Variants in PCNX3 observed in about 807,000 individuals in gnomAD.
PCNX3 encodes the protein pecanex 3, also known as pecanex-like protein 3.
PCNX3 carries 58 observed loss-of-function variants against 207.2 expected under a neutral mutation model. The ratio of observed to expected loss-of-function variants is 0.28; its 90% CI spans 0.23 to 0.35. The LOEUF is 0.35. Among genes scored for constraint, PCNX3 ranks in the 10% least tolerant of loss-of-function variants. PCNX3 has a pLI of 1.00. For synonymous variants in PCNX3, 1,337 were observed against 1,183.5 expected (o/e 1.13, Z -2.66); for missense variants, 2,410 against 2,774.4 (o/e 0.87, Z 2.95).
In PCNX3 at chr11:65,616,849, C is replaced by T. The variant is rs1854760382; in HGVS notation, c.179C>T (p.Ala60Val). 2 of 1,612,832 alleles carry T rather than the reference C, an allele frequency of 1.2e-6. No homozygotes were observed. The highest frequency in any genetic ancestry group is 1.3e-5 in the African/African-American group (1 of 74,908). ...YMVLPPSLMV[A>V]GVYCLVVAVI... is the part of the protein sequence containing the mutation. ...GTCCTGCCTCCCAGCTTGATGGTGG[C>T]CGGCGTGTACTGCCTCGTGGTGGCT... Residue 60 changes from alanine (A) to valine (V), a missense_variant, in exon 2 of 35, where the codon GCC (alanine) becomes GTC (valine). This residue lies in a region of PCNX3 where 1,104 missense variants were observed against 970.3 expected (regional missense o/e 1.14). Transcript: ENST00000355703.
At chr11:65,629,802 T>C (rs1194937049) in intron 26 of PCNX3, 67 bp downstream of exon 26, 1 of 1,499,064 alleles carries the variant, frequency 6.7e-7, no homozygotes, top group Non-Finnish European at 9.0e-7. Context: ...CTGTGTTCAA[T>C]AGCACGTGCG....
At chr11:65,623,894 G>A (rs1186427978) in intron 12 of PCNX3, 35 bp from the exon 13 acceptor site, 32 of 1,612,240 alleles carry the variant, frequency 2.0e-5, no homozygotes, top group Non-Finnish European at 2.5e-5. Context: ...CGTGGGCATC[G>A]GCTCTAGTTG....
chr11:65,630,584 C>T lies in PCNX3; in HGVS notation c.4450C>T (p.Leu1484Phe). 2 of 1,611,532 alleles carry T rather than the reference C, an allele frequency of 1.2e-6. No individual in the cohort carries two copies. Among genetic ancestry groups the T allele is most frequent in the Non-Finnish European group, 1.7e-6 (2 of 1,178,256 alleles). ...GCAGGTTTTCGACCTCCGCAAGATC[C>T]TCATCACCTACTATGTCAAGGTACG... Reference protein sequence around the residue: ...MLQVFDLRKILITYYVKSIIY... With the variant: ...MLQVFDLRKIFITYYVKSIIY... Residue 1484 changes from leucine to phenylalanine, a missense_variant, in exon 27 of 35, where the codon CTC becomes TTC. Physicochemically the swap from Leu to Phe is conservative, Grantham distance 22. Around this residue, in one of 8 missense-constraint regions of PCNX3, gnomAD observed 420 missense variants for 705.3 expected, o/e 0.60. Transcript: ENST00000355703.
chr11:65,627,704 C>T (rs1855460042), intron 22 of PCNX3, 122 bp downstream of exon 22: 2 of 1,224,098 alleles, frequency 1.6e-6, no homozygotes, highest in East Asian at 4.7e-5. Flanking sequence ...GCCCCGTGGG[C>T]CTTTGCAGCA....
At chr11:65,636,071 A>C in intron 32 of PCNX3, 103 bp from the exon 33 acceptor site, 2 of 1,483,878 alleles carry the variant, frequency 1.3e-6, no homozygotes, top group Non-Finnish European at 1.8e-6. Flanking sequence ...CCTGGGGCTC[A>C]GAGGTGTTAG....
At position 65,635,804 on chromosome 11, in the gene PCNX3, G is replaced by C; in HGVS notation, c.5459+1G>C. On this transcript the variant is annotated splice_donor_variant, in intron 32 of 34. Transcript: ENST00000355703. LOFTEE classifies it high-confidence loss of function. The surrounding 1 kb of genome is among the most constrained non-coding windows in gnomAD (Gnocchi z 9.9). ...ACTGGCTCCTGCGCACCTGGGAGAGGTGAGGCCTCGGGAAGGGGTGACGTG... is the reference window on the plus strand; with the variant it reads ...ACTGGCTCCTGCGCACCTGGGAGAGCTGAGGCCTCGGGAAGGGGTGACGTG... 1 of 1,601,512 alleles carries C rather than the reference G, an allele frequency of 6.2e-7. No homozygotes were observed. The highest frequency in any genetic ancestry group is 8.5e-7 in the Non-Finnish European group (1 of 1,174,096).
At position 65,630,551 on chromosome 11, in the gene PCNX3, T is replaced by A; in HGVS notation, c.4417T>A (p.Ser1473Thr). 6.2e-7 allele frequency: 1 copy of A among 1,613,416 alleles called. No individual in the cohort carries two copies. The highest frequency in any genetic ancestry group is 8.5e-7 in the Non-Finnish European group (1 of 1,179,720). The change falls in exon 27 of 35, where the codon TCC (serine) becomes ACC (threonine). Residue 1473 changes from serine (S) to threonine (T), a missense_variant. Coordinates refer to ENST00000355703, the MANE Select transcript of PCNX3 (RefSeq NM_032223.4). Reference protein sequence around the residue: ...GYSISDNNAASMLQVFDLRKI... With the variant: ...GYSISDNNAATMLQVFDLRKI... ...TAGCATTAGTGACAATAATGCTGCC[T>A]CCATGCTGCAGGTTTTCGACCTCCG...
At chr11:65,620,044 T>C (rs1855001977) in intron 8 of PCNX3, 112 bp downstream of exon 8, 14 of 1,166,162 alleles carry the variant, frequency 1.2e-5, no homozygotes, top group Non-Finnish European at 1.5e-5. Context: ...CTGCTAATGC[T>C]GCCAGACATC....
rs1355185100 is a variant in PCNX3, at chr11:65,627,451, T to G, written c.3571T>G (p.Ser1191Ala). The change falls in exon 22 of 35, where the codon TCA becomes GCA. Residue 1191 changes from serine to alanine, a missense_variant. By Grantham distance (99) the Ser-to-Ala change is moderately conservative (BLOSUM62 1). This residue lies in a region of PCNX3 where 333 missense variants were observed against 386.8 expected (regional missense o/e 0.86). Coordinates refer to ENST00000355703, the MANE Select transcript of PCNX3 (RefSeq NM_032223.4). ...CGTGGCTGGGCTGAAGCTGCTGCGC[T>G]CAGCCTTCTGCTGCCCCCCACAGCA... Reference protein sequence around the residue: ...MTVAGLKLLRSAFCCPPQQYL... With the variant: ...MTVAGLKLLRAAFCCPPQQYL... 2.5e-6 allele frequency: 4 copies of G among 1,613,036 alleles called. No homozygotes were observed. The highest frequency in any genetic ancestry group is 1.3e-5 in the African/African-American group (1 of 74,920).
rs1855849117 is a variant in PCNX3 at position 65,636,521 on chromosome 11, A to C, written c.5724A>C (p.Ala1908=). 1 of 1,585,506 alleles carries C rather than the reference A, an allele frequency of 6.3e-7. No individual in the cohort carries two copies. Among genetic ancestry groups the C allele is most frequent in the East Asian group, 2.2e-5 (1 of 44,542 alleles). Residue 1908 remains alanine (A), a synonymous_variant, in exon 34 of 35, where the codon GCA becomes GCC. Transcript: ENST00000355703. ...PPPRLPGPPP[A]SPIPTEGPRT... is the part of the protein sequence containing the mutation. Reference sequence around the variant, plus strand: ...CTCGGCTCCCTGGACCACCCCCTGCATCGCCTATCCCCACAGAGGGTCCCC... The same window carrying C: ...CTCGGCTCCCTGGACCACCCCCTGCCTCGCCTATCCCCACAGAGGGTCCCC...
At chr11:65,622,433 G>T in intron 11 of PCNX3, 67 bp downstream of exon 11, 6 of 1,500,630 alleles carry the variant, frequency 4.0e-6, no homozygotes, top group Non-Finnish European at 5.4e-6. Flanking sequence ...CCCAGACTCT[G>T]TACCTGTGGA....
At position 65,616,385 on chromosome 11, in the gene PCNX3, C is replaced by G; in HGVS notation, c.74C>G (p.Pro25Arg). The part of the protein sequence containing the change: ...ASLTGGWFFD[P>R]HQSTFSNCFH... Reference sequence around the variant, plus strand: ...CTCACCGGCGGTTGGTTCTTCGACCCGCACCAGAGCACCTTCTCCAACTGC... The same window carrying G: ...CTCACCGGCGGTTGGTTCTTCGACCGGCACCAGAGCACCTTCTCCAACTGC... Residue 25 changes from proline to arginine, a missense_variant, in exon 1 of 35, where the codon CCG becomes CGG. By Grantham distance (103) the Pro-to-Arg change is moderately radical. Transcript: ENST00000355703. 1 of 1,609,956 alleles carries G rather than the reference C, an allele frequency of 6.2e-7. No individual in the cohort carries two copies. Among genetic ancestry groups the G allele is most frequent in the Non-Finnish European group, 8.5e-7 (1 of 1,179,008 alleles).
Position 65,625,184 on chromosome 11 carries a change from A to C in PCNX3, c.2933A>C (p.Glu978Ala). Residue 978 changes from glutamate (E) to alanine (A), a missense_variant, in exon 17 of 35, where the codon GAG becomes GCG. By Grantham distance (107) the Glu-to-Ala change is moderately radical. This residue lies in a region of PCNX3 where 333 missense variants were observed against 386.8 expected (regional missense o/e 0.86). Coordinates refer to ENST00000355703, the MANE Select transcript of PCNX3 (RefSeq NM_032223.4). The surrounding 1 kb of genome is among the most constrained non-coding windows in gnomAD (Gnocchi z 5.6). ...TTCTCTCCGCAGACTCCGTGGCCAG[A>C]GCAGCACGTCCCTGTCCTCTTCTCA... Reference protein sequence around the residue: ...CLGAIKTPWPEQHVPVLFSVF... With the variant: ...CLGAIKTPWPAQHVPVLFSVF... 6.2e-7 allele frequency: 1 copy of C among 1,608,308 alleles called. No homozygotes were observed. The highest frequency in any genetic ancestry group is 1.1e-5 in the South Asian group (1 of 90,960).
rs369630534 is a variant in PCNX3 at position 65,617,693 on chromosome 11, G to A, written c.564G>A (p.Ser188=). The A allele has an allele frequency of 7.7e-5, 121 of 1,568,266 alleles. No homozygotes were observed. The East Asian group carries it at 9.5e-4, about 12-fold the overall frequency. The part of the protein sequence containing the change: ...SADREMLKLS[S]QEKLIGDLPQ... ...ACCGAGAGATGCTGAAGCTCAGCTC[G>A]CAGGAGAAACTGAGTGCGTGGGCCT... is the stretch of plus-strand genomic sequence containing the variant. The change falls in exon 5 of 35, where the codon TCG becomes TCA. Residue 188 remains serine, a synonymous_variant. Coordinates refer to ENST00000355703, the MANE Select transcript of PCNX3 (RefSeq NM_032223.4).
Position 65,625,318 on chromosome 11 carries a change from G to C in PCNX3, c.3029+38G>C, listed in dbSNP as rs188132699. The C allele has an allele frequency of 1.2e-3, 1,870 of 1,594,358 alleles. 8 individuals are homozygous for C. Among genetic ancestry groups the C allele is most frequent in the Non-Finnish European group, 1.4e-3 (1,634 of 1,169,954 alleles). On this transcript the variant is annotated intron_variant, in intron 17 of 34. Coordinates refer to ENST00000355703, the MANE Select transcript of PCNX3 (RefSeq NM_032223.4). This position sits in a 1 kb window ranked among gnomAD's most constrained non-coding sequence, Gnocchi z 5.6. ...CGGGTCGTGTGTTTGTGTCTGCCCA[G>C]TAGGGGTTTGTGGTCTGTGCATGTG... is the stretch of plus-strand genomic sequence containing the variant.
In PCNX3 at chr11:65,620,981, G is replaced by T. The variant is rs1181110027; in HGVS notation, c.2235+15G>T. On this transcript the variant is annotated intron_variant, in intron 10 of 34. Transcript: ENST00000355703. ...AGATCCCGGAGGTGAGGAGCAGCCG[G>T]GGAAGGGCCGTGCCAGTGGGGCGTG... The T allele has an allele frequency of 2.0e-6, 3 of 1,523,894 alleles. No individual in the cohort carries two copies. Among genetic ancestry groups the T allele is most frequent in the Admixed American group, 4.0e-5 (2 of 50,122 alleles). The allele number at this position is 1,523,894 out of a possible 1,614,324, so 94.4% of individuals were successfully genotyped here.
intron 21 of PCNX3, 90 bp downstream of exon 21, chr11:65,627,138 G>A: frequency 7.0e-7 from 1 of 1,427,600 alleles, no homozygotes; most frequent in Non-Finnish European, 9.3e-7. Flanking sequence ...AATGAATCAT[G>A]TCTAAGGTTG....
chr11:65,620,485 G>A, intron 9 of PCNX3, 56 bp downstream of exon 9: 1 of 1,570,818 alleles, frequency 6.4e-7, no homozygotes, highest in Non-Finnish European at 8.7e-7. Context: ...GCATCTCTGG[G>A]AAGTTCCCTG....
At position 65,620,409 on chromosome 11, in the gene PCNX3, G is replaced by A. The variant is rs1176490361; in HGVS notation, c.2079G>A (p.Glu693=). The A allele has an allele frequency of 6.2e-7, 1 of 1,613,278 alleles. No homozygotes were observed. The highest frequency in any genetic ancestry group is 1.7e-5 in the Admixed American group (1 of 60,006). ...GYENPVGQQG[E]QTANGAWDRH... is the part of the protein sequence containing the mutation. ...AGAACCCTGTAGGGCAGCAAGGGGA[G>A]CAGACAGCTAATGGAGCCTGGTGAG... The change falls in exon 9 of 35, where the codon GAG becomes GAA. Residue 693 remains glutamate (E), a synonymous_variant. Transcript: ENST00000355703.
Sources: allele counts gnomAD v4.1 joint callset, GRCh38; gene constraint gnomAD v4.1.1; regional missense constraint gnomAD v4.1.1; non-coding constraint Gnocchi (gnomAD v3.1); transcripts MANE v1.5; gene names NCBI Gene and HGNC (gene_info 2026-07-23, HGNC 2026-07-21).